The following ITIH3 variants were observed in gnomAD, a reference collection of about 807,000 sequenced individuals.
ITIH3 encodes inter-alpha-trypsin inhibitor heavy chain H3.
Under a neutral mutation model 96.5 loss-of-function variants are expected in ITIH3, and 81 were observed. The observed-to-expected ratio is 0.84, with a 90% confidence interval of 0.70 to 1.01. ITIH3 has a LOEUF of 1.01. Ranked by LOEUF, ITIH3 falls within the 50% of genes least tolerant of loss-of-function variation. The probability of loss-of-function intolerance (pLI) is 0.00; values close to 1 mark genes in which losing one functional copy is unlikely to be tolerated. For missense variants in ITIH3, 1,057 were observed against 1,139.3 expected (o/e 0.93, Z 1.04); for synonymous variants, 422 against 445.2 (o/e 0.95, Z 0.66).
chr3:52,801,714 G>A (rs1469504288), intron 11 of ITIH3, among the ~76,000 whole-genome samples: 1 of 152,124 alleles, frequency 6.6e-6, no homozygotes, highest in African/African-American at 2.4e-5. Flanking sequence ...TTGGATTAGG[G>A]CCCATACTCA....
intron 14 of ITIH3, chr3:52,804,245 G>A (rs1699957075): frequency 1.8e-6 from 1 of 565,140 alleles, no homozygotes; most frequent in East Asian, 2.9e-5. Context: ...GTGAGTAAAG[G>A]GGGCACACTG....
intron 9 of ITIH3, 152 bp from the exon 10 acceptor site, chr3:52,800,382 GTTCA>G (rs1201892425): frequency 1.6e-5 from 12 of 753,638 alleles, no homozygotes; most frequent in Non-Finnish European, 2.5e-5. Context: ...TCATGTGGTG[GTTCA>G]TTCATTGTTT....
At position 52,796,743 on chromosome 3, in the gene ITIH3, A is replaced by G. The variant is rs1699599566; in HGVS notation, c.286A>G (p.Ile96Val). 1.2e-6 allele frequency: 2 copies of G among 1,611,242 alleles called. No homozygotes were observed. Among genetic ancestry groups the G allele is most frequent in the African/African-American group, 1.3e-5 (1 of 74,864 alleles). ...TAFITNFTLT[I>V]DGVTYPGNVK... ...CCCAACTCTCTTTCCCTGCAGGACCATCGACGGTGTTACCTACCCTGGGAA... is the reference window on the plus strand; with the variant it reads ...CCCAACTCTCTTTCCCTGCAGGACCGTCGACGGTGTTACCTACCCTGGGAA... The change falls in exon 4 of 22, where the codon ATC becomes GTC. Residue 96 changes from isoleucine to valine, a missense_variant. Physicochemically the swap from Ile to Val is conservative, Grantham distance 29 (BLOSUM62 3). Transcript: ENST00000449956.
Position 52,799,933 on chromosome 3 carries a change from G to T in ITIH3, c.1075+12G>T, listed in dbSNP as rs763310634. On this transcript the variant is annotated intron_variant, in intron 9 of 21. Coordinates refer to ENST00000449956, the MANE Select transcript of ITIH3 (RefSeq NM_002217.4). ...GGAGGATAAAGGAAGTAAGAGCGGAGCTGGAGCCCACACACCTCCTAGCGG... is the reference window on the plus strand; with the variant it reads ...GGAGGATAAAGGAAGTAAGAGCGGATCTGGAGCCCACACACCTCCTAGCGG... The T allele has an allele frequency of 6.2e-7, 1 of 1,611,590 alleles. No individual in the cohort carries two copies. Among genetic ancestry groups the T allele is most frequent in the Non-Finnish European group, 8.5e-7 (1 of 1,178,756 alleles).
Position 52,797,923 on chromosome 3 carries a change from G to A in ITIH3, c.656G>A (p.Gly219Glu). The change falls in exon 6 of 22, where the codon GGG becomes GAG. Residue 219 changes from glycine (G) to glutamate (E), a missense_variant. Transcript: ENST00000449956. ...LGSALTKSFS[G>E]KKGHVSFKPS... ...AGCGCCCTCACCAAGTCCTTCTCAG[G>A]GAAAAAGGTGATGTAGATGCCTCTC... is the stretch of plus-strand genomic sequence containing the variant. The A allele has an allele frequency of 6.3e-7, 1 of 1,588,852 alleles. No individual in the cohort carries two copies. Among genetic ancestry groups the A allele is most frequent in the Non-Finnish European group, 8.6e-7 (1 of 1,166,276 alleles).
chr3:52,798,194 G>T (rs894731891), intron 6 of ITIH3, among the ~76,000 whole-genome samples: 1 of 152,198 alleles, frequency 6.6e-6, no homozygotes, highest in African/African-American at 2.4e-5. Context: ...GGACAGGGCA[G>T]GGCTTATCTT....
At chr3:52,804,865 C>T in intron 15 of ITIH3, 131 bp downstream of exon 15, 1 of 976,266 alleles carries the variant, frequency 1.0e-6, no homozygotes, top group Non-Finnish European at 1.6e-6. Context: ...TCAGGCCCAG[C>T]CCTATTGCCA....
In ITIH3 at chr3:52,805,841, G is replaced by GT. The variant is rs1700019232; in HGVS notation, c.1906+2dup. ...GTGAGCCCCGCCATGTCCTACCTGA[G>GT]TGAGTACATGCTGGCAGCTGCCACT... On this transcript the variant is annotated splice_donor_variant, in intron 16 of 21. Transcript: ENST00000449956. LOFTEE classifies it high-confidence loss of function. The GT allele has an allele frequency of 6.2e-7, 1 of 1,613,804 alleles. No homozygotes were observed. Among genetic ancestry groups the GT allele is most frequent in the Non-Finnish European group, 8.5e-7 (1 of 1,179,752 alleles).
rs756091900 is a variant in ITIH3 at position 52,796,819 on chromosome 3, A to G, written c.362A>G (p.Gln121Arg). The part of the protein sequence containing the change: ...AKKQYEKAVS[Q>R]GKTAGLVKAS... ...AAGCAGTATGAAAAGGCTGTGTCCC[A>G]GGGCAAGACGGCCGGCTTGGTCAAG... Residue 121 changes from glutamine (Q) to arginine (R), a missense_variant, in exon 4 of 22, where the codon CAG (glutamine) becomes CGG (arginine). By Grantham distance (43) the Gln-to-Arg change is conservative. Coordinates refer to ENST00000449956, the MANE Select transcript of ITIH3 (RefSeq NM_002217.4). The G allele has an allele frequency of 6.2e-7, 1 of 1,611,132 alleles. No individual in the cohort carries two copies. Among genetic ancestry groups the G allele is most frequent in the African/African-American group, 1.3e-5 (1 of 74,878 alleles).
chr3:52,804,346 G>A (rs1027897748), intron 14 of ITIH3: 6 of 441,410 alleles, frequency 1.4e-5, no homozygotes, highest in South Asian at 3.0e-5. Context: ...GAAAGGCCTG[G>A]AGCAGGCTAT....
At chr3:52,807,716 C>A in intron 19 of ITIH3, 31 bp from the exon 20 acceptor site, 13 of 1,589,650 alleles carry the variant, frequency 8.2e-6, no homozygotes, top group Non-Finnish European at 1.1e-5. Context: ...GCCACTGGGC[C>A]CCACAGCCAC....
In ITIH3 at chr3:52,808,739, T is replaced by C. The variant is rs1330576012; in HGVS notation, c.*58T>C. ...CCCGGATTTTATGGCATCTGGAACA[T>C]GGGCACAGAGAGGGGCCTGTGGGAG... On this transcript the variant is annotated 3_prime_UTR_variant, in exon 22 of 22. Transcript: ENST00000449956. 23 of 1,583,582 alleles carry C rather than the reference T, an allele frequency of 1.5e-5. No homozygotes were observed. Among genetic ancestry groups the C allele is most frequent in the Non-Finnish European group, 1.7e-5 (20 of 1,155,178 alleles).
chr3:52,802,822 G>A lies in ITIH3; in HGVS notation c.1709+16G>A, dbSNP rs778927659. 8.7e-6 allele frequency: 14 copies of A among 1,613,378 alleles called. No individual in the cohort carries two copies. In the Middle Eastern group the frequency reaches 5.0e-4, roughly 57 times the overall value. On this transcript the variant is annotated intron_variant, in intron 13 of 21. Coordinates refer to ENST00000449956, the MANE Select transcript of ITIH3 (RefSeq NM_002217.4). ...TGGAGAAGCGGTGAGCAGAGTCCCA[G>A]CCCCCACCTGTGCCTACCCCTGGCT...
rs778197694 is a variant in ITIH3 at position 52,797,099 on chromosome 3, G to C, written c.387-6G>C. ...TGAGGGAGTCACCATCTCGCACCCT[G>C]GTCAGGGCCTCTGGGAGGAAGTTGG... is the stretch of plus-strand genomic sequence containing the variant. On this transcript the variant is annotated splice_polypyrimidine_tract_variant and splice_region_variant and intron_variant, in intron 4 of 21. Transcript: ENST00000449956. 8.1e-6 allele frequency: 13 copies of C among 1,607,256 alleles called. No individual in the cohort carries two copies. Among genetic ancestry groups the C allele is most frequent in the Non-Finnish European group, 1.0e-5 (12 of 1,177,568 alleles).
Position 52,806,909 on chromosome 3 carries a change from G to A in ITIH3, c.2065G>A (p.Val689Ile). The A allele has an allele frequency of 6.3e-7, 1 of 1,583,700 alleles. No individual in the cohort carries two copies. The highest frequency in any genetic ancestry group is 8.6e-7 in the Non-Finnish European group (1 of 1,164,828). The change falls in exon 19 of 22, where the codon GTT becomes ATT. Residue 689 changes from valine (V) to isoleucine (I), a missense_variant. Physicochemically the swap from Val to Ile is conservative, Grantham distance 29. Transcript: ENST00000449956. ...LIQDAVTGLT[V>I]NGQITGDKRG... ...CCCCATCCCTCTGGCAGGCCTCACA[G>A]TTAATGGGCAGATCACTGGCGACAA...
rs574828692 is a variant in ITIH3, at chr3:52,796,648, G to A, written c.281+1G>A. Reference sequence around the variant, plus strand: ...CGGCCTTCATCACCAACTTCACCTTGTGGGTACCACCATGGCTGCTGGCTC... The same window carrying A: ...CGGCCTTCATCACCAACTTCACCTTATGGGTACCACCATGGCTGCTGGCTC... On this transcript the variant is annotated splice_donor_variant, in intron 3 of 21. Coordinates refer to ENST00000449956, the MANE Select transcript of ITIH3 (RefSeq NM_002217.4). LOFTEE classifies it high-confidence loss of function. 8.1e-6 allele frequency: 13 copies of A among 1,611,814 alleles called. No individual in the cohort carries two copies. The highest frequency in any genetic ancestry group is 1.1e-5 in the Non-Finnish European group (13 of 1,178,502).
rs530624548 is a variant in ITIH3, at chr3:52,799,291, T to C, written c.790-81T>C. On this transcript the variant is annotated intron_variant, in intron 7 of 21. Coordinates refer to ENST00000449956, the MANE Select transcript of ITIH3 (RefSeq NM_002217.4). Reference sequence around the variant, plus strand: ...AACGTCTTTTTCTTGGGCTGGTAAATGTCTGGCTTCTACCTGCAAGAATAG... The same window carrying C: ...AACGTCTTTTTCTTGGGCTGGTAAACGTCTGGCTTCTACCTGCAAGAATAG... 36 of 1,237,182 alleles carry C rather than the reference T, an allele frequency of 2.9e-5. No individual in the cohort carries two copies. The African/African-American group carries it at 5.1e-4, about 18-fold the overall frequency. The allele number at this position is 1,237,182 out of a possible 1,614,324, so 76.6% of individuals were successfully genotyped here. A position where few individuals can be genotyped will look rare whatever the true frequency, so the allele number is the denominator to read the frequency against.
chr3:52,802,319 C>T lies in ITIH3; in HGVS notation c.1384-15C>T. The T allele has an allele frequency of 2.5e-6, 4 of 1,612,960 alleles. No individual in the cohort carries two copies. Among genetic ancestry groups the T allele is most frequent in the Non-Finnish European group, 3.4e-6 (4 of 1,179,464 alleles). On this transcript the variant is annotated splice_polypyrimidine_tract_variant and intron_variant, in intron 11 of 21. Coordinates refer to ENST00000449956, the MANE Select transcript of ITIH3 (RefSeq NM_002217.4). Reference sequence around the variant, plus strand: ...GACCTGGGGCTTGAGATGACTGGCCCCGTGCGAACTTCAGGGCTTCTATGA... The same window carrying T: ...GACCTGGGGCTTGAGATGACTGGCCTCGTGCGAACTTCAGGGCTTCTATGA...
Position 52,799,104 on chromosome 3 carries a change from G to A in ITIH3, c.789+13G>A, listed in dbSNP as rs754821635. 1 of 1,612,772 alleles carries A rather than the reference G, an allele frequency of 6.2e-7. No homozygotes were observed. Among genetic ancestry groups the A allele is most frequent in the Admixed American group, 1.7e-5 (1 of 59,852 alleles). On this transcript the variant is annotated intron_variant, in intron 7 of 21. Coordinates refer to ENST00000449956, the MANE Select transcript of ITIH3 (RefSeq NM_002217.4). ...TGGCAACGTGCAGGTACCCGGGCTG[G>A]CTGATTCATCATCAGGGTGGGGCGA... is the stretch of plus-strand genomic sequence containing the variant.
Sources: allele counts gnomAD v4.1 joint callset (sites outside exome capture counted in the v4.1 genomes callset), GRCh38; gene constraint gnomAD v4.1.1; transcripts MANE v1.5; gene names NCBI Gene and HGNC (gene_info 2026-07-23, HGNC 2026-07-21).